The following SHANK2 variants were observed in gnomAD, a reference collection of about 807,000 sequenced individuals.
SHANK2 encodes the protein SH3 and multiple ankyrin repeat domains 2.
Under a neutral mutation model 133.7 loss-of-function variants are expected in SHANK2, and 43 were observed. The ratio of observed to expected loss-of-function variants is 0.32; its 90% confidence interval spans 0.25 to 0.41. SHANK2 has a LOEUF of 0.41. SHANK2 is among the 10% of genes least tolerant of loss of function. The probability of loss-of-function intolerance (pLI) is 1.00; values close to 1 mark genes in which losing one functional copy is unlikely to be tolerated. For synonymous variants in SHANK2, 1,017 were observed against 952.8 expected, an observed-to-expected ratio of 1.07 and a Z score of -1.24; for missense variants, 1,994 against 2,235.8, an observed-to-expected ratio of 0.89 and a Z score of 2.18.
At chr11:70,679,143 C>A in intron 15 of SHANK2, among the ~76,000 whole-genome samples, 1 of 152,244 alleles carries the variant, frequency 6.6e-6, no homozygotes, top group Non-Finnish European at 1.5e-5. Context: ...TGGGCTCTGG[C>A]AGGCCGGGTA....
chr11:70,901,279 G>A (rs1394733610), intron 10 of SHANK2, among the ~76,000 whole-genome samples: 4 of 152,122 alleles, frequency 2.6e-5, no homozygotes, highest in African/African-American at 9.7e-5. Flanking sequence ...AAAAAGTTAT[G>A]ATATAATCAC....
Position 70,923,737 on chromosome 11 carries a change from G to C in SHANK2, c.1108-27170C>G, listed in dbSNP as rs1950385682. The stretch of plus-strand genomic sequence containing the variant: ...TTTGTTTTTATATACTTTTTTTGTA[G>C]AGTCAAGGTCTCACTATGTTGCCCT... On this transcript the variant is annotated intron_variant, in intron 10 of 25. Coordinates refer to ENST00000601538, the MANE Select transcript of SHANK2 (RefSeq NM_012309.5). 2.6e-5 allele frequency among the ~76,000 whole-genome samples: 4 copies of C among 151,954 alleles called. No homozygotes were observed. The South Asian group carries it at 8.3e-4, about 32-fold the overall frequency.
chr11:70,607,457 G>A (rs1479005022), intron 17 of SHANK2, among the ~76,000 whole-genome samples: 1 of 152,146 alleles, frequency 6.6e-6, no homozygotes, highest in Admixed American at 6.5e-5. Flanking sequence ...CTGGGTCCTG[G>A]TCACCATCAC....
chr11:70,477,785 G>T (rs528930661), intron 25 of SHANK2, among the ~76,000 whole-genome samples: 2 of 152,214 alleles, frequency 1.3e-5, no homozygotes, highest in Non-Finnish European at 2.9e-5. Context: ...GTGAGACGCA[G>T]GGTGAAGGCC....
intron 17 of SHANK2, among the ~76,000 whole-genome samples, chr11:70,541,689 C>A (rs2059623390): frequency 1.3e-5 from 2 of 152,270 alleles, no homozygotes; most frequent in Non-Finnish European, 2.9e-5. Context: ...AAAACACATT[C>A]AGCCATGTTG....
intron 10 of SHANK2, among the ~76,000 whole-genome samples, chr11:70,928,342 C>G (rs1269593964): frequency 6.6e-6 from 1 of 152,140 alleles, no homozygotes; most frequent in Non-Finnish European, 1.5e-5. Flanking sequence ...GACAGCTGGT[C>G]AACTTGCTAC....
chr11:71,214,549 C>G (rs1363147280), intron 2 of SHANK2, among the ~76,000 whole-genome samples: 1 of 152,242 alleles, frequency 6.6e-6, no homozygotes, highest in Non-Finnish European at 1.5e-5. Context: ...GAAGTGTCAT[C>G]TCTGCTCAGC....
intron 17 of SHANK2, among the ~76,000 whole-genome samples, chr11:70,529,235 G>A (rs2059437687): frequency 6.6e-6 from 1 of 152,224 alleles, no homozygotes; most frequent in Admixed American, 6.5e-5. Flanking sequence ...AGCAGGGTCT[G>A]TACCCACTGC....
intron 7 of SHANK2, among the ~76,000 whole-genome samples, chr11:71,093,051 A>AGT (rs1555094441): frequency 5.7e-5 from 4 of 70,596 alleles, no homozygotes; most frequent in East Asian, 1.1e-3. Flanking sequence ...TCAAAAATAA[A>AGT]GGGGGGGGGG....
intron 14 of SHANK2, among the ~76,000 whole-genome samples, chr11:70,749,269 G>A (rs931416872): frequency 5.9e-5 from 9 of 152,320 alleles, no homozygotes; most frequent in African/African-American, 1.9e-4. Flanking sequence ...CCAGTTCTGG[G>A]TGTGCATCTG....
intron 14 of SHANK2, among the ~76,000 whole-genome samples, chr11:70,722,578 T>C (rs1242165551): frequency 6.6e-6 from 1 of 152,244 alleles, no homozygotes; most frequent in African/African-American, 2.4e-5. Flanking sequence ...ATATTGTTAA[T>C]TTTATTCTAT....
intron 21 of SHANK2, among the ~76,000 whole-genome samples, chr11:70,497,844 T>C (rs74450436): frequency 0.053 from 8,011 of 152,322 alleles, 427 homozygotes; most frequent in African/African-American, 0.13. Flanking sequence ...ACCTGGTGGC[T>C]GAGTCTCCTG....
intron 6 of SHANK2, among the ~76,000 whole-genome samples, chr11:71,098,169 G>A (rs1203438508): frequency 6.7e-6 from 1 of 149,742 alleles, no homozygotes; most frequent in Non-Finnish European, 1.5e-5. Flanking sequence ...GCATGTGCAT[G>A]CCTGTGTGCA....
chr11:70,883,137 C>T (rs1427189777), intron 11 of SHANK2, among the ~76,000 whole-genome samples: 5 of 152,176 alleles, frequency 3.3e-5, no homozygotes, highest in Non-Finnish European at 7.4e-5. Flanking sequence ...GATCCTCATC[C>T]TCCTGCGCCG....
intron 10 of SHANK2, among the ~76,000 whole-genome samples, chr11:70,928,847 GGA>G (rs1230542147): frequency 6.6e-6 from 1 of 152,182 alleles, no homozygotes; most frequent in Non-Finnish European, 1.5e-5. Context: ...CTACACCAGA[GGA>G]GAGAGGCAGG....
chr11:70,669,757 T>C (rs528403177), intron 15 of SHANK2: 1 of 152,406 alleles, frequency 6.6e-6, no homozygotes, highest in African/African-American at 2.4e-5. Context: ...CACGACCCAT[T>C]TAAGCTGGTA....
chr11:70,601,722 AGAT>A (rs1278458162), intron 17 of SHANK2, among the ~76,000 whole-genome samples: 1 of 152,248 alleles, frequency 6.6e-6, no homozygotes, highest in African/African-American at 2.4e-5. Context: ...AACTGGCAGA[AGAT>A]GAGAATAAGA....
At chr11:70,528,029 GCCACA>G (rs879950561) in intron 17 of SHANK2, among the ~76,000 whole-genome samples, 12 of 152,232 alleles carry the variant, frequency 7.9e-5, no homozygotes, top group Non-Finnish European at 1.6e-4. Flanking sequence ...AAATGGGCAG[GCCACA>G]CTCTCATGAC....
intron 7 of SHANK2, among the ~76,000 whole-genome samples, chr11:71,093,058 G>GGT (rs1429548015): frequency 2.1e-5 from 3 of 144,314 alleles, no homozygotes; most frequent in Non-Finnish European, 4.6e-5. Flanking sequence ...TAAAGGGGGG[G>GGT]GGGGGCAGGT....
Sources: allele counts gnomAD v4.1 joint callset (sites outside exome capture counted in the v4.1 genomes callset), GRCh38; gene constraint gnomAD v4.1.1; transcripts MANE v1.5; gene names NCBI Gene and HGNC (gene_info 2026-07-23, HGNC 2026-07-21).